The following CACNA1C variants were observed in gnomAD, a reference collection of about 807,000 sequenced individuals.
The protein encoded by CACNA1C is voltage-dependent L-type calcium channel subunit alpha-1C.
Under a neutral mutation model 229.0 loss-of-function variants are expected in CACNA1C, and 30 were observed. The observed-to-expected ratio is 0.13, with a 90% confidence interval of 0.10 to 0.18. CACNA1C has a LOEUF of 0.18. CACNA1C is among the 10% of genes least tolerant of loss of function. The pLI is 1.00. For missense variants in CACNA1C, 1,658 were observed against 2,845.0 expected (o/e 0.58, Z 9.49); for synonymous variants, 1,114 against 1,132.5 (o/e 0.98, Z 0.33).
intron 1 of CACNA1C, among the ~76,000 whole-genome samples, chr12:1,985,835 G>A (rs147010184): frequency 2.3e-4 from 35 of 151,536 alleles, no homozygotes; most frequent in East Asian, 1.6e-3. Flanking sequence ...TTTTTGAGAC[G>A]AGTCTCCCTC....
At chr12:2,065,481 A>C (rs1022501602) in intron 1 of CACNA1C, among the ~76,000 whole-genome samples, 1 of 151,468 alleles carries the variant, frequency 6.6e-6, no homozygotes, top group Admixed American at 6.6e-5. Flanking sequence ...TCTGCAAGGC[A>C]GTTTGCTTAT....
intron 9 of CACNA1C, among the ~76,000 whole-genome samples, chr12:2,536,919 C>G (rs1244585623): frequency 1.3e-5 from 2 of 152,214 alleles, no homozygotes; most frequent in Non-Finnish European, 2.9e-5. Context: ...TTAAGATCTC[C>G]ATTTCACACT....
intron 9 of CACNA1C, among the ~76,000 whole-genome samples, chr12:2,530,731 G>A (rs546376348): frequency 2.0e-5 from 3 of 152,304 alleles, no homozygotes; most frequent in Admixed American, 2.0e-4. Context: ...GAATCATAAA[G>A]ATCATTTCCA....
Position 2,528,633 on chromosome 12 carries a change from G to A in CACNA1C, c.1390+15649G>A, listed in dbSNP as rs369624961. On this transcript the variant is annotated intron_variant, in intron 9 of 46. Transcript: ENST00000399655. ...ATCACGGAGACACAAGTTTTGCAGCGGAGAAAGCGTTTGTTCACAAGGCAG... is the reference window on the plus strand; with the variant it reads ...ATCACGGAGACACAAGTTTTGCAGCAGAGAAAGCGTTTGTTCACAAGGCAG... Among the ~76,000 whole-genome samples, 8 of 152,294 alleles carry A rather than the reference G, an allele frequency of 5.3e-5. No individual in the cohort carries two copies. The East Asian group carries it at 5.8e-4, about 11-fold the overall frequency.
At position 2,595,818 on chromosome 12, in the gene CACNA1C, G is replaced by A; in HGVS notation, c.2664-56G>A. The A allele has an allele frequency of 5.0e-6, 8 of 1,584,180 alleles. No homozygotes were observed. Among genetic ancestry groups the A allele is most frequent in the Non-Finnish European group, 6.9e-6 (8 of 1,161,132 alleles). On this transcript the variant is annotated intron_variant, in intron 19 of 46. Transcript: ENST00000399655. The surrounding 1 kb of genome is among the most constrained non-coding windows in gnomAD (Gnocchi z 4.1). Reference sequence around the variant, plus strand: ...GAGAGGGGCTCCCAAGAGCCGACTGGTGCTTCCCCTTGTCTGCCTTGACTT... The same window carrying A: ...GAGAGGGGCTCCCAAGAGCCGACTGATGCTTCCCCTTGTCTGCCTTGACTT...
At chr12:2,345,972 C>A (rs2097002515) in intron 3 of CACNA1C, among the ~76,000 whole-genome samples, 1 of 152,316 alleles carries the variant, frequency 6.6e-6, no homozygotes, top group Admixed American at 6.5e-5. Context: ...ATGAAACCCC[C>A]ATTAATCACC....
intron 4 of CACNA1C, among the ~76,000 whole-genome samples, chr12:2,456,950 C>T (rs1415131257): frequency 6.6e-6 from 1 of 152,246 alleles, no homozygotes; most frequent in South Asian, 2.1e-4. Flanking sequence ...AATATGCCAG[C>T]TCAGACCTAA....
At chr12:2,537,959 C>G (rs192125603) in intron 9 of CACNA1C, among the ~76,000 whole-genome samples, 61 of 152,240 alleles carry the variant, frequency 4.0e-4, no homozygotes, top group Non-Finnish European at 6.6e-4. Context: ...ACTTACTGCC[C>G]CTGCCCCCTC....
rs375546647 is a variant in CACNA1C at position 2,275,703 on chromosome 12, G to T, written c.477+155273G>T. On this transcript the variant is annotated intron_variant, in intron 3 of 46. Transcript: ENST00000399655. This position sits in a 1 kb window ranked among gnomAD's most constrained non-coding sequence, Gnocchi z 4.1. Reference sequence around the variant, plus strand: ...GGATTTGACCTTTTCGCTTGTGGTCGGGCCAGGTTGAGCAGGAAACCATCG... The same window carrying T: ...GGATTTGACCTTTTCGCTTGTGGTCTGGCCAGGTTGAGCAGGAAACCATCG... Among the ~76,000 whole-genome samples, 1 of 150,682 alleles carries T rather than the reference G, an allele frequency of 6.6e-6. No individual in the cohort carries two copies. The highest frequency in any genetic ancestry group is 1.5e-5 in the Non-Finnish European group (1 of 68,030).
intron 30 of CACNA1C, among the ~76,000 whole-genome samples, chr12:2,643,021 A>G (rs1362643): frequency 0.066 from 10,092 of 152,306 alleles, 457 homozygotes; most frequent in Admixed American, 0.14. Flanking sequence ...TCAGCCATCC[A>G]CAGCTTCACA....
At chr12:2,368,012 T>C (rs1268849253) in intron 3 of CACNA1C, among the ~76,000 whole-genome samples, 1 of 152,154 alleles carries the variant, frequency 6.6e-6, no homozygotes, top group Non-Finnish European at 1.5e-5. Flanking sequence ...CACAGTTAGG[T>C]AAGACACAGC....
chr12:2,465,404 A>G (rs186493316), intron 5 of CACNA1C, among the ~76,000 whole-genome samples: 2 of 152,208 alleles, frequency 1.3e-5, no homozygotes, highest in African/African-American at 4.8e-5. Context: ...ATGAAGGAGG[A>G]CATACCGGAG....
At chr12:2,344,674 A>G (rs917041918) in intron 3 of CACNA1C, among the ~76,000 whole-genome samples, 1 of 152,076 alleles carries the variant, frequency 6.6e-6, no homozygotes, top group African/African-American at 2.4e-5. Context: ...CCTCACTCCC[A>G]GATGAGGATG....
At chr12:2,477,380 G>A (rs1416314339) in intron 5 of CACNA1C, among the ~76,000 whole-genome samples, 1 of 152,130 alleles carries the variant, frequency 6.6e-6, no homozygotes, top group Non-Finnish European at 1.5e-5. Context: ...GAACTTGTTG[G>A]CTCACAAAAC....
At chr12:2,250,598 T>C (rs2075244250) in intron 3 of CACNA1C, among the ~76,000 whole-genome samples, 1 of 152,178 alleles carries the variant, frequency 6.6e-6, no homozygotes, top group African/African-American at 2.4e-5. Context: ...TCCAAGGCCA[T>C]GCGTTAAATA....
At chr12:2,115,073 C>A in intron 1 of CACNA1C, 151 bp from the exon 2 acceptor site, 1 of 645,390 alleles carries the variant, frequency 1.5e-6, no homozygotes, top group Non-Finnish European at 2.6e-6. Context: ...CTCAGCATCT[C>A]ACACTCATGT....
intron 3 of CACNA1C, among the ~76,000 whole-genome samples, chr12:2,279,789 A>G (rs1272265713): frequency 2.6e-5 from 4 of 152,260 alleles, no homozygotes; most frequent in African/African-American, 9.6e-5. Context: ...CATAGCATTT[A>G]TATTGTATTG....
intron 3 of CACNA1C, among the ~76,000 whole-genome samples, chr12:2,130,254 C>G (rs1226419776): frequency 6.7e-6 from 1 of 149,708 alleles, no homozygotes; most frequent in Admixed American, 6.6e-5. Flanking sequence ...AGCTTATTAA[C>G]CAGCTTTGCG....
Position 2,467,749 on chromosome 12 carries a change from T to C in CACNA1C, c.757+10043T>C, listed in dbSNP as rs954260651. Among the ~76,000 whole-genome samples the C allele has an allele frequency of 2.0e-5, 3 of 152,120 alleles. No individual in the cohort carries two copies. The highest frequency in any genetic ancestry group is 7.2e-5 in the African/African-American group (3 of 41,430). On this transcript the variant is annotated intron_variant, in intron 5 of 46. Coordinates refer to ENST00000399655, the MANE Select transcript of CACNA1C (RefSeq NM_000719.7). The surrounding 1 kb of genome is among the most constrained non-coding windows in gnomAD (Gnocchi z 4.6). ...CTGATCTCCCAGTGTGGACGGTCTT[T>C]CCCCTTGACTGCTGCATCCCCAGTT...
Sources: gnomAD v4.1 joint callset for allele counts (sites outside exome capture counted in the v4.1 genomes callset) on GRCh38, gnomAD v4.1.1 for gene constraint, Gnocchi (gnomAD v3.1) non-coding constraint, MANE v1.5 for transcripts, NCBI Gene and HGNC (gene_info 2026-07-23, HGNC 2026-07-21) for gene names.